INTS8: variants seen among roughly 807,000 people sequenced by gnomAD.
The protein encoded by INTS8 is protein kaonashi-1.
A neutral mutation model predicts 138.9 loss-of-function variants in INTS8; 47 were observed. The ratio of observed to expected loss-of-function variants is 0.34; its 90% confidence interval spans 0.27 to 0.43. INTS8 has a LOEUF of 0.43. Among genes scored for constraint, INTS8 ranks in the 20% least tolerant of loss-of-function variants. INTS8 has a pLI of 1.00. For synonymous variants in INTS8, 392 were observed against 400.9 expected, an observed-to-expected ratio of 0.98 and a Z score of 0.27; for missense variants, 996 against 1,173.0, an observed-to-expected ratio of 0.85 and a Z score of 2.20.
chr8:94,830,898 A>G (rs968422161), intron 5 of INTS8, among the ~76,000 whole-genome samples: 4 of 151,960 alleles, frequency 2.6e-5, no homozygotes, highest in Non-Finnish European at 4.4e-5. Flanking sequence ...CCCGGGTTCA[A>G]GCGATTCTTC....
chr8:94,853,708 T>C, intron 13 of INTS8, 97 bp from the exon 14 acceptor site: 1 of 672,582 alleles, frequency 1.5e-6, no homozygotes, highest in South Asian at 2.0e-5. Context: ...CCGTGAGTTA[T>C]TTGTTTTAAA....
chr8:94,856,090 A>G (rs1273155751), intron 14 of INTS8, among the ~76,000 whole-genome samples: 2 of 152,180 alleles, frequency 1.3e-5, no homozygotes, highest in African/African-American at 4.8e-5. Flanking sequence ...AGGACCACAC[A>G]AATGTAGAAT....
At chr8:94,862,994 G>A (rs11782617) in intron 16 of INTS8, among the ~76,000 whole-genome samples, 6 of 151,972 alleles carry the variant, frequency 3.9e-5, no homozygotes, top group East Asian at 3.9e-4. Flanking sequence ...CATATATTAC[G>A]TAATCACAAA....
rs370688322 is a variant in INTS8 at position 94,827,255 on chromosome 8, T to C, written c.306-8T>C. On this transcript the variant is annotated splice_region_variant and splice_polypyrimidine_tract_variant and intron_variant, in intron 2 of 26. Coordinates refer to ENST00000523731, the MANE Select transcript of INTS8 (RefSeq NM_017864.4). ...AATGTGCAAACATGTACGTTTTGCT[T>C]CTTCAAGTTTGTCTGTTCCAGTATT... 6 of 1,611,968 alleles carry C rather than the reference T, an allele frequency of 3.7e-6. No homozygotes were observed. Among genetic ancestry groups the C allele is most frequent in the Non-Finnish European group, 5.1e-6 (6 of 1,178,438 alleles).
chr8:94,848,340 A>T (rs1166419744), intron 10 of INTS8, among the ~76,000 whole-genome samples: 1 of 152,086 alleles, frequency 6.6e-6, no homozygotes, highest in Non-Finnish European at 1.5e-5. Flanking sequence ...TTTCATCAAG[A>T]TATAATTCAC....
chr8:94,844,131 C>T (rs1815243639), intron 10 of INTS8, among the ~76,000 whole-genome samples: 2 of 151,914 alleles, frequency 1.3e-5, no homozygotes, highest in African/African-American at 4.8e-5. Flanking sequence ...CTCCGCCTCC[C>T]AGGTTCAAGC....
At chr8:94,865,335 C>A (rs113366999) in intron 16 of INTS8, among the ~76,000 whole-genome samples, 171 bp from the exon 17 acceptor site, 1 of 152,126 alleles carries the variant, frequency 6.6e-6, no homozygotes, top group Non-Finnish European at 1.5e-5. Context: ...TCTGTCAGTA[C>A]GCAATGAGCC....
chr8:94,867,367 A>T, intron 20 of INTS8, 30 bp downstream of exon 20: 1 of 1,537,260 alleles, frequency 6.5e-7, no homozygotes, highest in South Asian at 1.2e-5. Context: ...TTATTTTATT[A>T]ATTGAGTTAT....
chr8:94,839,835 G>T (rs1815067938), intron 8 of INTS8, among the ~76,000 whole-genome samples: 2 of 152,166 alleles, frequency 1.3e-5, no homozygotes, highest in Admixed American at 1.3e-4. Context: ...GTTCAAGGTT[G>T]CAGTGAGCTA....
chr8:94,827,870 C>T, intron 4 of INTS8, 77 bp downstream of exon 4: 3 of 1,160,644 alleles, frequency 2.6e-6, no homozygotes, highest in Non-Finnish European at 3.9e-6. Flanking sequence ...TTTTAATAAC[C>T]TCTGTTATAG....
At chr8:94,829,060 C>T in intron 5 of INTS8, 34 bp downstream of exon 5, 3 of 1,495,132 alleles carry the variant, frequency 2.0e-6, no homozygotes, top group Non-Finnish European at 2.8e-6. Context: ...AGTAACACTT[C>T]AGGAACAACT....
Position 94,861,574 on chromosome 8 carries a change from C to T in INTS8, c.2076+1942C>T, listed in dbSNP as rs535052856. On this transcript the variant is annotated intron_variant, in intron 16 of 26. Coordinates refer to ENST00000523731, the MANE Select transcript of INTS8 (RefSeq NM_017864.4). ...TCGAGCCCGGCCCTTTTTTTTGAGA[C>T]GGAGTTTTGCTCTTGTTGCCCAGGC... 1.0e-4 allele frequency among the ~76,000 whole-genome samples: 13 copies of T among 127,894 alleles called. No homozygotes were observed. In the South Asian group the frequency reaches 2.3e-3, roughly 22 times the overall value. 83.9% of individuals were successfully genotyped at this position (127,894 alleles called of 152,430 possible).
rs1175665149 is a variant in INTS8, at chr8:94,876,499, C to T, written c.2871+10C>T. On this transcript the variant is annotated intron_variant, in intron 26 of 26. Coordinates refer to ENST00000523731, the MANE Select transcript of INTS8 (RefSeq NM_017864.4). ...TAAAAGACAAATTGCAGTAAGTTAC[C>T]TTATGCCTTTCTTCAGTGGTACAGT... The T allele has an allele frequency of 5.3e-6, 8 of 1,518,632 alleles. No individual in the cohort carries two copies. The highest frequency in any genetic ancestry group is 7.2e-6 in the Non-Finnish European group (8 of 1,105,046). The allele number at this position is 1,518,632 out of a possible 1,614,324, so 94.1% of individuals were successfully genotyped here. A position where few individuals can be genotyped will look rare whatever the true frequency, so the allele number is the denominator to read the frequency against.
intron 26 of INTS8, among the ~76,000 whole-genome samples, chr8:94,877,281 C>T (rs2131080836): frequency 6.6e-6 from 1 of 152,244 alleles, no homozygotes; most frequent in South Asian, 2.1e-4. Flanking sequence ...TTTCTTTGCT[C>T]TTTCACTTAT....
At chr8:94,826,525 G>A (rs1326693607) in intron 2 of INTS8, among the ~76,000 whole-genome samples, 2 of 152,200 alleles carry the variant, frequency 1.3e-5, no homozygotes, top group Non-Finnish European at 2.9e-5. Context: ...AAAGAAGTAT[G>A]ACATATATGA....
At chr8:94,838,651 T>G (rs763248667) in intron 8 of INTS8, 33 bp downstream of exon 8, 1 of 1,574,480 alleles carries the variant, frequency 6.4e-7, no homozygotes, top group Non-Finnish European at 8.7e-7. Context: ...AGTGAAGTTT[T>G]GGAAGCCAGA....
At chr8:94,824,100 A>T (rs1019744465) in intron 1 of INTS8, among the ~76,000 whole-genome samples, 4 of 152,242 alleles carry the variant, frequency 2.6e-5, no homozygotes, top group African/African-American at 9.6e-5. Flanking sequence ...GCACATTTGC[A>T]AGATGGCTTT....
intron 14 of INTS8, among the ~76,000 whole-genome samples, chr8:94,854,925 T>TC (rs1405530005): frequency 1.3e-5 from 2 of 151,644 alleles, no homozygotes; most frequent in African/African-American, 4.8e-5. Flanking sequence ...TTTTTTTTTT[T>TC]TGCAGAGACA....
At chr8:94,861,588 T>C (rs2131051791) in intron 16 of INTS8, among the ~76,000 whole-genome samples, 1 of 144,752 alleles carries the variant, frequency 6.9e-6, no homozygotes, top group South Asian at 2.2e-4. Flanking sequence ...GTTTTGCTCT[T>C]GTTGCCCAGG....
Sources: allele counts gnomAD v4.1 joint callset (sites outside exome capture counted in the v4.1 genomes callset), GRCh38; gene constraint gnomAD v4.1.1; transcripts MANE v1.5; gene names NCBI Gene and HGNC (gene_info 2026-07-23, HGNC 2026-07-21).